VPS13B: variants seen among roughly 807,000 people sequenced by gnomAD.
VPS13B encodes the protein intermembrane lipid transfer protein VPS13B.
In VPS13B, 285 loss-of-function variants were observed where a neutral mutation model predicts 426.4. The observed-to-expected ratio is 0.67, with a 90% CI of 0.61 to 0.74. The LOEUF (loss-of-function observed/expected upper bound fraction) is 0.74, where lower values mean the gene tolerates loss of function less well. VPS13B is among the 30% of genes least tolerant of loss of function. The pLI is 0.00. For missense variants in VPS13B, 4,537 were observed against 4,782.6 expected (o/e 0.95, Z 1.51); for synonymous variants, 1,676 against 1,676.4 (o/e 1.00, Z 0.01).
intron 17 of VPS13B, among the ~76,000 whole-genome samples, chr8:99,227,970 T>G (rs1816102974): frequency 6.6e-6 from 1 of 152,226 alleles, no homozygotes; most frequent in Non-Finnish European, 1.5e-5. Context: ...TAGGCAATTT[T>G]AAGGGTGTGG....
chr8:99,261,677 C>A (rs1818044750), intron 17 of VPS13B, among the ~76,000 whole-genome samples: 1 of 152,186 alleles, frequency 6.6e-6, no homozygotes, highest in Non-Finnish European at 1.5e-5. Context: ...TTTGCATTCC[C>A]ACCAACAGTG....
At chr8:99,517,672 T>G (rs554743012) in intron 29 of VPS13B, among the ~76,000 whole-genome samples, 1 of 152,290 alleles carries the variant, frequency 6.6e-6, no homozygotes, top group East Asian at 1.9e-4. Context: ...AGATGACTTT[T>G]AAAAATCTAG....
At chr8:99,164,200 G>T (rs946423910) in intron 15 of VPS13B, among the ~76,000 whole-genome samples, 1 of 152,088 alleles carries the variant, frequency 6.6e-6, no homozygotes, top group Admixed American at 6.5e-5. Flanking sequence ...TGATGGTCTC[G>T]ATTCTAGAGG....
intron 39 of VPS13B, among the ~76,000 whole-genome samples, chr8:99,750,986 G>A (rs1490952897): frequency 1.3e-5 from 2 of 152,016 alleles, no homozygotes; most frequent in African/African-American, 2.4e-5. Flanking sequence ...AGAGTTAGGG[G>A]CCAGAATTGG....
In VPS13B at chr8:99,871,469, C is replaced by A. The variant is rs1001918842; in HGVS notation, c.11517C>A (p.Gly3839=). The stretch of plus-strand genomic sequence containing the variant: ...ACAGGAAAATGCTTCAGTCTCTGGG[C>A]AGACCAGAAGTCCACATGGCCCTGG... ...KYVWKMLQSL[G]RPEVHMALDV... Residue 3839 remains glycine, a synonymous_variant, in exon 61 of 62, where the codon GGC becomes GGA. Transcript: ENST00000357162. 2.5e-6 allele frequency: 4 copies of A among 1,614,090 alleles called. No individual in the cohort carries two copies. The highest frequency in any genetic ancestry group is 4.5e-5 in the East Asian group (2 of 44,902).
intron 2 of VPS13B, among the ~76,000 whole-genome samples, chr8:99,015,586 AC>A (rs1841572408): frequency 6.6e-6 from 1 of 151,660 alleles, no homozygotes; most frequent in South Asian, 2.1e-4. Flanking sequence ...TGTTTCCAGC[AC>A]CCCAAAAGGC....
chr8:99,567,748 T>C (rs1219612111), intron 31 of VPS13B, among the ~76,000 whole-genome samples: 1 of 152,202 alleles, frequency 6.6e-6, no homozygotes, highest in East Asian at 1.9e-4. Flanking sequence ...ACCTTATGAT[T>C]ACTTTGTTTA....
At chr8:99,422,789 T>C (rs939888660) in intron 21 of VPS13B, among the ~76,000 whole-genome samples, 8 of 152,172 alleles carry the variant, frequency 5.3e-5, no homozygotes, top group Non-Finnish European at 7.4e-5. Context: ...TCCTTACCCA[T>C]CATCATTTCC....
chr8:99,249,489 C>T (rs891521264), intron 17 of VPS13B, among the ~76,000 whole-genome samples: 3 of 148,514 alleles, frequency 2.0e-5, no homozygotes, highest in African/African-American at 5.0e-5. Flanking sequence ...TACAGTGGCG[C>T]GGTCTCGGCT....
intron 19 of VPS13B, among the ~76,000 whole-genome samples, chr8:99,299,803 G>A (rs1444450995): frequency 6.6e-6 from 1 of 152,036 alleles, no homozygotes; most frequent in Non-Finnish European, 1.5e-5. Flanking sequence ...CCAGCTACTT[G>A]GGAGGCTGAG....
intron 33 of VPS13B, among the ~76,000 whole-genome samples, chr8:99,615,517 C>T (rs1343574359): frequency 6.6e-6 from 1 of 152,192 alleles, no homozygotes; most frequent in Non-Finnish European, 1.5e-5. Context: ...GTAGTTATCA[C>T]TGCTAGAATC....
intron 30 of VPS13B, among the ~76,000 whole-genome samples, chr8:99,548,642 A>G (rs1824115292): frequency 6.6e-6 from 1 of 152,004 alleles, no homozygotes; most frequent in Admixed American, 6.6e-5. Flanking sequence ...ATTTCATAAT[A>G]ACCGAAATTG....
intron 41 of VPS13B, among the ~76,000 whole-genome samples, chr8:99,777,393 A>G (rs558589957): frequency 5.4e-4 from 82 of 152,290 alleles, no homozygotes; most frequent in Middle Eastern, 3.4e-3. Flanking sequence ...GTCACGTCTT[A>G]CATGGAAGGC....
At chr8:99,380,670 TCTTA>T (rs554768488) in intron 19 of VPS13B, among the ~76,000 whole-genome samples, 24 of 152,152 alleles carry the variant, frequency 1.6e-4, no homozygotes, top group African/African-American at 5.1e-4. Context: ...TTTCTTTTTC[TCTTA>T]CTTTTTCTCC....
At chr8:99,849,163 T>C (rs1816131565) in intron 55 of VPS13B, among the ~76,000 whole-genome samples, 2 of 152,180 alleles carry the variant, frequency 1.3e-5, no homozygotes, top group South Asian at 2.1e-4. Context: ...ATACCACTAT[T>C]ATTAGCATGA....
At chr8:99,549,091 T>C (rs1824141928) in intron 30 of VPS13B, among the ~76,000 whole-genome samples, 1 of 152,102 alleles carries the variant, frequency 6.6e-6, no homozygotes, top group Admixed American at 6.6e-5. Flanking sequence ...GAGACTAAGA[T>C]TGTTGAAGAA....
chr8:99,659,290 C>G (rs538821098), intron 34 of VPS13B, among the ~76,000 whole-genome samples: 1 of 152,146 alleles, frequency 6.6e-6, no homozygotes, highest in African/African-American at 2.4e-5. Flanking sequence ...ATTGCTTATT[C>G]TATCCTCCAC....
intron 43 of VPS13B, among the ~76,000 whole-genome samples, chr8:99,806,646 G>A (rs568042623): frequency 1.3e-5 from 2 of 152,192 alleles, no homozygotes; most frequent in South Asian, 2.1e-4. Context: ...GATAATGATC[G>A]AAATCTCATT....
intron 43 of VPS13B, among the ~76,000 whole-genome samples, chr8:99,791,554 A>G (rs1037739659): frequency 1.3e-5 from 2 of 152,054 alleles, no homozygotes; most frequent in African/African-American, 4.8e-5. Flanking sequence ...GACGGTCTAG[A>G]GAAGATTGAG....
Sources: allele counts gnomAD v4.1 joint callset (sites outside exome capture counted in the v4.1 genomes callset), GRCh38; gene constraint gnomAD v4.1.1; transcripts MANE v1.5; gene names NCBI Gene and HGNC (gene_info 2026-07-23, HGNC 2026-07-21).